Variants in QSOX1 observed in about 807,000 individuals in gnomAD.
QSOX1 encodes quiescin sulfhydryl oxidase 1.
In QSOX1, 40 loss-of-function variants were observed where a neutral mutation model predicts 76.1. The ratio of observed to expected loss-of-function variants is 0.53; its 90% CI spans 0.41 to 0.68. QSOX1 has a LOEUF of 0.68. Among genes scored for constraint, QSOX1 ranks in the 30% least tolerant of loss-of-function variants. QSOX1 has a pLI of 0.00. For synonymous variants in QSOX1, 392 were observed against 413.1 expected (o/e 0.95, Z 0.62); for missense variants, 931 against 974.3 (o/e 0.96, Z 0.59).
chr1:180,196,330 C>T lies in QSOX1; in HGVS notation c.1537C>T (p.His513Tyr), dbSNP rs776072163. Residue 513 changes from histidine to tyrosine, a missense_variant, in exon 12 of 12, where the codon CAC becomes TAC. Transcript: ENST00000367602. The surrounding 1 kb of genome is among the most constrained non-coding windows in gnomAD (Gnocchi z 4.1). ...WPPRELCSAC[H>Y]NERLDVPVWD... is the part of the protein sequence containing the mutation. ...ACCCCGTGAACTTTGTTCTGCCTGC[C>T]ACAATGAACGCCTGGATGTGCCCGT... The T allele has an allele frequency of 1.2e-6, 2 of 1,614,172 alleles. No homozygotes were observed. The highest frequency in any genetic ancestry group is 1.7e-6 in the Non-Finnish European group (2 of 1,180,030).
At chr1:180,175,156 C>T (rs900264018) in intron 2 of QSOX1, among the ~76,000 whole-genome samples, 165 bp from the exon 3 acceptor site, 2 of 136,746 alleles carry the variant, frequency 1.5e-5, no homozygotes, top group African/African-American at 5.5e-5. Flanking sequence ...GACTCTGTCT[C>T]AAAAAAAAAA....
chr1:180,203,427 A>T lies in QSOX1; in HGVS notation c.*6390A>T, dbSNP rs1663674881. The T allele has an allele frequency of 6.6e-6, 1 of 152,226 alleles. No individual in the cohort carries two copies. Among genetic ancestry groups the T allele is most frequent in the Admixed American group, 6.5e-5 (1 of 15,278 alleles). The allele number at this position is 152,226 out of a possible 1,614,324, so 9.4% of individuals were successfully genotyped here. A position where few individuals can be genotyped will look rare whatever the true frequency, so the allele number is the denominator to read the frequency against. On this transcript the variant is annotated 3_prime_UTR_variant, in exon 12 of 12. Transcript: ENST00000367602. ...GCCAGGATGCAAAAGTTAAGGAGACACCTGACCTCAGGGGCCCACAACTGC... is the reference window on the plus strand; with the variant it reads ...GCCAGGATGCAAAAGTTAAGGAGACTCCTGACCTCAGGGGCCCACAACTGC...
rs1486791082 is a variant in QSOX1, at chr1:180,197,089, G to A, written c.*52G>A. ...GAGCTGCCATCTCTAGGCACCTCAA[G>A]CCCCCTGACCCCATTCCCTCCCCTC... is the stretch of plus-strand genomic sequence containing the variant. On this transcript the variant is annotated 3_prime_UTR_variant, in exon 12 of 12. Coordinates refer to ENST00000367602, the MANE Select transcript of QSOX1 (RefSeq NM_002826.5). 3.2e-6 allele frequency: 5 copies of A among 1,549,392 alleles called. No homozygotes were observed. In the African/African-American group the frequency reaches 6.8e-5, roughly 21 times the overall value.
At chr1:180,175,158 A>AG (rs1244430786) in intron 2 of QSOX1, among the ~76,000 whole-genome samples, 163 bp from the exon 3 acceptor site, 3 of 149,166 alleles carry the variant, frequency 2.0e-5, no homozygotes, top group Non-Finnish European at 4.5e-5. Flanking sequence ...CTCTGTCTCA[A>AG]AAAAAAAAAA....
Position 180,198,245 on chromosome 1 carries a change from ACC to A in QSOX1, c.*1212_*1213del, listed in dbSNP as rs994515173. The A allele has an allele frequency of 4.4e-6, 2 of 456,106 alleles. No homozygotes were observed. The highest frequency in any genetic ancestry group is 2.4e-5 in the Admixed American group (1 of 42,510). The allele number at this position is 456,106 out of a possible 1,614,324, so 28.3% of individuals were successfully genotyped here. A position where few individuals can be genotyped will look rare whatever the true frequency, so the allele number is the denominator to read the frequency against. On this transcript the variant is annotated 3_prime_UTR_variant, in exon 12 of 12. Transcript: ENST00000367602. ...AGGCCTCTGGATGTGCAGCCTTGCC[ACC>A]CCCTGCCCCAATCCTCCCTGAGAGC... is the stretch of plus-strand genomic sequence containing the variant.
At chr1:180,159,616 G>C (rs536919769) in intron 1 of QSOX1, among the ~76,000 whole-genome samples, 2 of 152,352 alleles carry the variant, frequency 1.3e-5, no homozygotes, top group South Asian at 4.1e-4. Context: ...TCAAAAATCT[G>C]ATTGGTTATT....
intron 1 of QSOX1, among the ~76,000 whole-genome samples, chr1:180,158,174 T>C (rs1377374384): frequency 6.6e-6 from 1 of 152,230 alleles, no homozygotes; most frequent in East Asian, 1.9e-4. Flanking sequence ...TGACTCCAGC[T>C]CTTTTTGGCT....
At chr1:180,193,403 G>A (rs1663367805) in intron 10 of QSOX1, among the ~76,000 whole-genome samples, 1 of 151,624 alleles carries the variant, frequency 6.6e-6, no homozygotes, top group Non-Finnish European at 1.5e-5. Context: ...AGGCAGGTGT[G>A]GGCTGCTGCG....
chr1:180,179,957 T>C (rs991210645), intron 5 of QSOX1, among the ~76,000 whole-genome samples: 1 of 152,292 alleles, frequency 6.6e-6, no homozygotes, highest in Admixed American at 6.5e-5. Flanking sequence ...TGGAATCAGG[T>C]CTTTTCCCTC....
intron 2 of QSOX1, among the ~76,000 whole-genome samples, chr1:180,174,923 C>T (rs1290313319): frequency 1.3e-5 from 2 of 151,800 alleles, no homozygotes; most frequent in Non-Finnish European, 2.9e-5. Context: ...GAGGCTGAGG[C>T]GGGCAGATCA....
chr1:180,192,463 T>C (rs1227509772), intron 10 of QSOX1, among the ~76,000 whole-genome samples: 1 of 152,214 alleles, frequency 6.6e-6, no homozygotes, highest in African/African-American at 2.4e-5. Context: ...GCAAGCTGCA[T>C]GCTCGCCCAG....
rs763985179 is a variant in QSOX1, at chr1:180,196,823, A to G, written c.2030A>G (p.Gln677Arg). Residue 677 changes from glutamine (Q) to arginine (R), a missense_variant, in exon 12 of 12, where the codon CAG becomes CGG. Physicochemically the swap from Gln to Arg is conservative, Grantham distance 43. Transcript: ENST00000367602. The surrounding 1 kb of genome is among the most constrained non-coding windows in gnomAD (Gnocchi z 4.1). ...AGGCGCGTGGGCCGCAGCTCCAAGC[A>G]GCTGGTCGACATCCCTGAGGGCCAG... ...EVRRVGRSSK[Q>R]LVDIPEGQLE... The G allele has an allele frequency of 6.2e-7, 1 of 1,610,534 alleles. No individual in the cohort carries two copies. The highest frequency in any genetic ancestry group is 8.5e-7 in the Non-Finnish European group (1 of 1,177,372).
At chr1:180,189,203 G>T (rs1209515668) in intron 8 of QSOX1, among the ~76,000 whole-genome samples, 1 of 152,204 alleles carries the variant, frequency 6.6e-6, no homozygotes, top group East Asian at 1.9e-4. Flanking sequence ...AGGGGCACAA[G>T]TGCTCCAGCC....
chr1:180,157,180 G>A (rs1279321393), intron 1 of QSOX1, among the ~76,000 whole-genome samples: 6 of 152,208 alleles, frequency 3.9e-5, no homozygotes, highest in Non-Finnish European at 7.3e-5. Flanking sequence ...GTCTGTGGGG[G>A]TGAGCCAGGG....
intron 2 of QSOX1, among the ~76,000 whole-genome samples, chr1:180,169,296 T>C (rs949453310): frequency 6.6e-6 from 1 of 151,844 alleles, no homozygotes; most frequent in African/African-American, 2.4e-5. Flanking sequence ...TGCCCTTCAG[T>C]GGGAATAGAA....
intron 2 of QSOX1, among the ~76,000 whole-genome samples, chr1:180,167,118 G>T (rs1040955401): frequency 6.6e-6 from 1 of 152,240 alleles, no homozygotes; most frequent in African/African-American, 2.4e-5. Context: ...TTACCTGCCA[G>T]CCTGCCCAGT....
rs1459894136 is a variant in QSOX1, at chr1:180,198,325, A to G, written c.*1288A>G. 2.2e-6 allele frequency: 1 copy of G among 456,574 alleles called. No homozygotes were observed. Among genetic ancestry groups the G allele is most frequent in the South Asian group, 1.5e-5 (1 of 64,564 alleles). The allele number at this position is 456,574 out of a possible 1,614,324, so 28.3% of individuals were successfully genotyped here. ...GGGAGAAGCCTGTCTGCACCTGCCT[A>G]ATTCCAGCTCCTCCAGGAAGCAAGG... On this transcript the variant is annotated 3_prime_UTR_variant, in exon 12 of 12. Transcript: ENST00000367602.
chr1:180,178,533 CT>C (rs1281347267), intron 4 of QSOX1, among the ~76,000 whole-genome samples: 1 of 152,262 alleles, frequency 6.6e-6, no homozygotes, highest in African/African-American at 2.4e-5. Flanking sequence ...CGGCCCACTC[CT>C]GACTTTTAAA....
intron 8 of QSOX1, among the ~76,000 whole-genome samples, chr1:180,188,684 C>T (rs1663232560): frequency 6.6e-6 from 1 of 152,230 alleles, no homozygotes; most frequent in Non-Finnish European, 1.5e-5. Context: ...GCAGGTTTTC[C>T]TGTTCAGTTA....
Sources: allele counts gnomAD v4.1 joint callset (sites outside exome capture counted in the v4.1 genomes callset), GRCh38; gene constraint gnomAD v4.1.1; non-coding constraint Gnocchi (gnomAD v3.1); transcripts MANE v1.5; gene names NCBI Gene and HGNC (gene_info 2026-07-23, HGNC 2026-07-21).